Variants in DNAI1 observed in about 807,000 individuals in gnomAD.
DNAI1 encodes dynein axonemal intermediate chain 1, also known as dynein, axonemal, intermediate polypeptide 1.
A neutral mutation model predicts 92.0 loss-of-function variants in DNAI1; 67 were observed. The ratio of observed to expected loss-of-function variants is 0.73; its 90% CI spans 0.60 to 0.89. DNAI1 has a LOEUF of 0.89. Among genes scored for constraint, DNAI1 ranks in the 40% least tolerant of loss-of-function variants. DNAI1 has a pLI of 0.00. For missense variants in DNAI1, 839 were observed against 866.6 expected, an observed-to-expected ratio of 0.97 and a Z score of 0.40; for synonymous variants, 323 against 319.6, an observed-to-expected ratio of 1.01 and a Z score of -0.11.
intron 15 of DNAI1, 143 bp from the exon 16 acceptor site, chr9:34,512,969 C>A (rs943499462): frequency 9.0e-6 from 7 of 774,626 alleles, no homozygotes; most frequent in Admixed American, 5.3e-5. Context: ...GGTCCCAGCC[C>A]TTACAGGGGC....
chr9:34,511,114 G>C (rs1003042682), intron 13 of DNAI1, among the ~76,000 whole-genome samples: 5 of 152,212 alleles, frequency 3.3e-5, no homozygotes, highest in African/African-American at 1.2e-4. Context: ...ACGGGGAGGG[G>C]ACAGGACGGT....
intron 1 of DNAI1, among the ~76,000 whole-genome samples, chr9:34,463,603 C>T (rs536432028): frequency 1.8e-4 from 28 of 152,236 alleles, no homozygotes; most frequent in Admixed American, 4.6e-4. Flanking sequence ...TCTGTGAACT[C>T]CAGTTAAAAG....
At chr9:34,498,871 G>A (rs1168543904) in intron 10 of DNAI1, among the ~76,000 whole-genome samples, 1 of 152,172 alleles carries the variant, frequency 6.6e-6, no homozygotes, top group Non-Finnish European at 1.5e-5. Context: ...GACCTTGAGT[G>A]CTTTTCAAAG....
chr9:34,500,392 A>G, intron 10 of DNAI1, among the ~76,000 whole-genome samples: 1 of 152,136 alleles, frequency 6.6e-6, no homozygotes, highest in East Asian at 1.9e-4. Flanking sequence ...CTGAAATGCT[A>G]GGGAAACACA....
chr9:34,476,967 C>G (rs1824247928), intron 1 of DNAI1, among the ~76,000 whole-genome samples: 1 of 152,128 alleles, frequency 6.6e-6, no homozygotes, highest in Non-Finnish European at 1.5e-5. Flanking sequence ...TGTTCAGGGG[C>G]TTGGGCTTCA....
chr9:34,466,625 A>C (rs1824043328), intron 1 of DNAI1, among the ~76,000 whole-genome samples: 1 of 152,234 alleles, frequency 6.6e-6, no homozygotes, highest in Non-Finnish European at 1.5e-5. Context: ...GGATGAGAGA[A>C]GGGAGAAGGT....
rs1188987088 is a variant in DNAI1 at position 34,506,932 on chromosome 9, TG to T, written c.1311+60del. ...GAGCAGCATGTGGGCCTGGAGCCACTGGAGGAGGGAGGGAGCTTGGGGAGGA... is the reference window on the plus strand; with the variant it reads ...GAGCAGCATGTGGGCCTGGAGCCACTGAGGAGGGAGGGAGCTTGGGGAGGA... On this transcript the variant is annotated intron_variant, in intron 13 of 19. Coordinates refer to ENST00000242317, the MANE Select transcript of DNAI1 (RefSeq NM_012144.4). 3.8e-6 allele frequency: 6 copies of T among 1,588,652 alleles called. No individual in the cohort carries two copies. In the Admixed American group the frequency reaches 9.0e-5, roughly 24 times the overall value.
intron 11 of DNAI1, 30 bp downstream of exon 11, chr9:34,500,869 G>GC: frequency 1.3e-6 from 2 of 1,550,322 alleles, no homozygotes; most frequent in Non-Finnish European, 1.8e-6. Flanking sequence ...CAAATGCAGA[G>GC]CCCCTGAGTG....
chr9:34,459,236 C>T (rs1823891917), intron 1 of DNAI1, among the ~76,000 whole-genome samples, 183 bp downstream of exon 1: 2 of 152,012 alleles, frequency 1.3e-5, no homozygotes, highest in African/African-American at 2.4e-5. Flanking sequence ...CCACTAATCC[C>T]GGCCTCCTCT....
rs1240543690 is a variant in DNAI1 at position 34,485,439 on chromosome 9, G to A, written c.183G>A (p.Glu61=). ...PPDQLELTDA[E]LKEEFTRILT... Reference sequence around the variant, plus strand: ...CTCTTGGTATTTTTCTCCCTCAGGAGTTAAAGGAGGAGTTCACTCGGATTT... The same window carrying A: ...CTCTTGGTATTTTTCTCCCTCAGGAATTAAAGGAGGAGTTCACTCGGATTT... The change falls in exon 4 of 20, where the codon GAG becomes GAA. Residue 61 remains glutamate, a splice_region_variant and synonymous_variant. Transcript: ENST00000242317. 1 of 1,614,126 alleles carries A rather than the reference G, an allele frequency of 6.2e-7. No individual in the cohort carries two copies. The highest frequency in any genetic ancestry group is 1.7e-5 in the Admixed American group (1 of 60,026).
At chr9:34,510,936 C>T (rs1246105425) in intron 13 of DNAI1, among the ~76,000 whole-genome samples, 1 of 152,216 alleles carries the variant, frequency 6.6e-6, no homozygotes, top group Non-Finnish European at 1.5e-5. Context: ...AGACAGGACT[C>T]AGCCCGCCCT....
chr9:34,495,026 G>A (rs1824691114), intron 9 of DNAI1, among the ~76,000 whole-genome samples: 1 of 152,188 alleles, frequency 6.6e-6, no homozygotes, highest in South Asian at 2.1e-4. Flanking sequence ...TGTGCTGGAG[G>A]GGAGAAAAGA....
At chr9:34,483,397 T>G (rs368660963) in intron 1 of DNAI1, 51 bp from the exon 2 acceptor site, 6 of 1,576,096 alleles carry the variant, frequency 3.8e-6, no homozygotes, top group Non-Finnish European at 4.3e-6. Context: ...TTATGATATT[T>G]CCATGTCAAT....
At chr9:34,483,659 A>G (rs1364750073) in intron 2 of DNAI1, among the ~76,000 whole-genome samples, 179 bp downstream of exon 2, 1 of 152,196 alleles carries the variant, frequency 6.6e-6, no homozygotes, top group Non-Finnish European at 1.5e-5. Flanking sequence ...ATCCTCTCAG[A>G]TATTTTTATG....
At chr9:34,508,959 T>G (rs1333776263) in intron 13 of DNAI1, among the ~76,000 whole-genome samples, 1 of 152,182 alleles carries the variant, frequency 6.6e-6, no homozygotes, top group Non-Finnish European at 1.5e-5. Flanking sequence ...CACTTCCTGT[T>G]CTCTTCTTTT....
chr9:34,480,844 G>A (rs956840553), intron 1 of DNAI1, among the ~76,000 whole-genome samples: 1 of 152,228 alleles, frequency 6.6e-6, no homozygotes, highest in Non-Finnish European at 1.5e-5. Flanking sequence ...TTCTTGGGAG[G>A]CTGAGGCAGG....
At chr9:34,468,642 A>AT (rs1346866843) in intron 1 of DNAI1, among the ~76,000 whole-genome samples, 2 of 152,002 alleles carry the variant, frequency 1.3e-5, no homozygotes. Context: ...CCTGGGCAAC[A>AT]TAAAAAAAAC....
intron 2 of DNAI1, among the ~76,000 whole-genome samples, chr9:34,483,911 G>T (rs1824422545): frequency 6.6e-6 from 1 of 152,118 alleles, no homozygotes; most frequent in African/African-American, 2.4e-5. Context: ...CTCATTGGTG[G>T]ACATTTAAAT....
At position 34,506,850 on chromosome 9, in the gene DNAI1, C is replaced by T. The variant is rs758182116; in HGVS notation, c.1287C>T (p.Gly429=). 6.2e-7 allele frequency: 1 copy of T among 1,614,088 alleles called. No individual in the cohort carries two copies. The highest frequency in any genetic ancestry group is 8.5e-7 in the Non-Finnish European group (1 of 1,180,014). Residue 429 remains glycine (G), a synonymous_variant, in exon 13 of 20, where the codon GGC becomes GGT. Transcript: ENST00000242317. ...CCTTCTGCAGCTCAGCCAAGTCTGG[C>T]AAGCACTCAGACCCTGTGTGGCAGG... is the stretch of plus-strand genomic sequence containing the variant. ...QPSFCSSAKS[G]KHSDPVWQVK... is the part of the protein sequence containing the mutation.
Sources: gnomAD v4.1 joint callset for allele counts (sites outside exome capture counted in the v4.1 genomes callset) on GRCh38, gnomAD v4.1.1 for gene constraint, MANE v1.5 for transcripts, NCBI Gene and HGNC (gene_info 2026-07-23, HGNC 2026-07-21) for gene names.